Variants in NBAS observed in about 807,000 individuals in gnomAD.
The protein encoded by NBAS is NAG/BC035112 fusion.
NBAS carries 219 observed loss-of-function variants against 302.5 expected under a neutral mutation model. The observed-to-expected ratio is 0.72, with a 90% CI of 0.65 to 0.81. The LOEUF (loss-of-function observed/expected upper bound fraction) is 0.81. Ranked by LOEUF, NBAS falls within the 30% of genes least tolerant of loss-of-function variation. NBAS has a pLI of 0.00. For missense variants in NBAS, 2,932 were observed against 2,841.6 expected (o/e 1.03, Z -0.72); for synonymous variants, 1,118 against 1,021.6 (o/e 1.09, Z -1.80).
the NBAS span, among the ~76,000 whole-genome samples, chr2:15,083,455 C>G: frequency 5.9e-3 from 899 of 152,332 alleles, 16 homozygotes; most frequent in African/African-American, 0.021. Flanking sequence ...ATGTCCTAGT[C>G]TATTCCACAT....
intron 1 of NBAS, among the ~76,000 whole-genome samples, chr2:15,559,062 C>CAAAAAAAAAAAAAAAAA (rs70961421): frequency 4.0e-5 from 2 of 50,416 alleles, no homozygotes; most frequent in African/African-American, 7.6e-5. Context: ...GACCCTGCCT[C>CAAAAAAAAAAAAAAAAA]AAAAAAAAAA....
intron 47 of NBAS, among the ~76,000 whole-genome samples, chr2:15,229,608 C>T (rs534437627): frequency 3.0e-3 from 454 of 151,438 alleles, no homozygotes; most frequent in Non-Finnish European, 5.0e-3. Flanking sequence ...ATGGCAAAAC[C>T]CCATCTCTAC....
the NBAS span, among the ~76,000 whole-genome samples, chr2:15,106,197 G>A: frequency 6.6e-6 from 1 of 152,058 alleles, no homozygotes; most frequent in South Asian, 2.1e-4. Flanking sequence ...CCTGAATTTT[G>A]GAGCTGTGCC....
intron 9 of NBAS, among the ~76,000 whole-genome samples, chr2:15,526,281 C>A (rs902767527): frequency 6.6e-6 from 1 of 152,186 alleles, no homozygotes; most frequent in African/African-American, 2.4e-5. Flanking sequence ...TCAAAATCCA[C>A]ATATTCATAG....
At chr2:15,498,816 C>T (rs1164638268) in intron 11 of NBAS, among the ~76,000 whole-genome samples, 2 of 152,002 alleles carry the variant, frequency 1.3e-5, no homozygotes, top group East Asian at 1.9e-4. Flanking sequence ...CTTCAACTTC[C>T]GCCATGATTG....
At chr2:15,340,894 T>A (rs1036614614) in intron 35 of NBAS, among the ~76,000 whole-genome samples, 1 of 152,076 alleles carries the variant, frequency 6.6e-6, no homozygotes, top group African/African-American at 2.4e-5. Context: ...AGGTCACTGG[T>A]GGTGACCGAG....
At chr2:15,351,931 T>C (rs1418029551) in intron 35 of NBAS, 61 bp downstream of exon 35, 1 of 1,249,714 alleles carries the variant, frequency 8.0e-7, no homozygotes, top group African/African-American at 1.5e-5. Flanking sequence ...CAAGGTTAGG[T>C]AATCCCACTT....
chr2:14,796,870 G>A, the NBAS span, among the ~76,000 whole-genome samples: 1,853 of 147,034 alleles, frequency 0.013, 45 homozygotes, highest in African/African-American at 0.045. Flanking sequence ...GACTCGAGAT[G>A]GAGACCATCC....
chr2:15,513,805 A>G (rs1662258251), intron 9 of NBAS, among the ~76,000 whole-genome samples: 1 of 152,050 alleles, frequency 6.6e-6, no homozygotes, highest in Non-Finnish European at 1.5e-5. Flanking sequence ...CCTGGGCAAC[A>G]TAGTGAGATC....
the NBAS span, among the ~76,000 whole-genome samples, chr2:15,002,889 G>A: frequency 1.4e-4 from 22 of 152,338 alleles, no homozygotes; most frequent in African/African-American, 5.1e-4. Context: ...AGCGCCACGC[G>A]CAGCCCCTGT....
intron 30 of NBAS, among the ~76,000 whole-genome samples, chr2:15,376,375 A>C (rs372316005): frequency 1.3e-5 from 2 of 152,212 alleles, no homozygotes; most frequent in East Asian, 3.8e-4. Flanking sequence ...CGGCTTTTTA[A>C]ATGATCTCTG....
At chr2:15,223,771 A>G (rs1428682857) in intron 47 of NBAS, among the ~76,000 whole-genome samples, 1 of 151,740 alleles carries the variant, frequency 6.6e-6, no homozygotes, top group Non-Finnish European at 1.5e-5. Context: ...AGAGGTTGCA[A>G]AGAGCCGAGA....
chr2:15,350,801 T>C (rs1673317829), intron 35 of NBAS, among the ~76,000 whole-genome samples: 1 of 152,220 alleles, frequency 6.6e-6, no homozygotes, highest in Non-Finnish European at 1.5e-5. Flanking sequence ...TTAGGTATCA[T>C]TAAACACTTA....
In NBAS at chr2:15,467,763, T is replaced by A. The variant is rs186337430; in HGVS notation, c.1919A>T (p.Tyr640Phe). The A allele has an allele frequency of 3.4e-5, 54 of 1,596,946 alleles. 1 individual carries two copies. The South Asian group carries it at 5.6e-4, about 17-fold the overall frequency. Residue 640 changes from tyrosine (Y) to phenylalanine (F), a missense_variant, in exon 18 of 52, where the codon TAT becomes TTT. Transcript: ENST00000281513. ...TTCATCAGGTGGTGAAAGCTCTTCATAGGAGATACTGTCAATGTCTATTTC... is the reference window on the plus strand; with the variant it reads ...TTCATCAGGTGGTGAAAGCTCTTCAAAGGAGATACTGTCAATGTCTATTTC... ...PGEIDIDSIS[Y>F]EELSPPDEEP... is the part of the protein sequence containing the mutation.
the NBAS span, among the ~76,000 whole-genome samples, chr2:15,067,060 T>C: frequency 7.8e-3 from 1,175 of 150,856 alleles, 9 homozygotes; most frequent in Non-Finnish European, 0.013. Context: ...TGCAGGTTTA[T>C]GTCTGTAATC....
the NBAS span, among the ~76,000 whole-genome samples, chr2:14,793,619 GAGA>G: frequency 6.6e-6 from 1 of 152,098 alleles, no homozygotes; most frequent in Non-Finnish European, 1.5e-5. Context: ...CAGAGGATCA[GAGA>G]AGGAGAATGG....
At chr2:15,370,452 C>G (rs1334017618) in intron 31 of NBAS, among the ~76,000 whole-genome samples, 3 of 152,168 alleles carry the variant, frequency 2.0e-5, no homozygotes, top group Non-Finnish European at 4.4e-5. Context: ...ACCACCAAGC[C>G]TGGCTAATTT....
At chr2:15,228,832 G>T (rs926909096) in intron 47 of NBAS, among the ~76,000 whole-genome samples, 3 of 152,200 alleles carry the variant, frequency 2.0e-5, no homozygotes, top group Non-Finnish European at 4.4e-5. Context: ...AGAGTGTGGT[G>T]TACTAGGAGA....
At chr2:14,982,995 G>T in the NBAS span, among the ~76,000 whole-genome samples, 1 of 152,130 alleles carries the variant, frequency 6.6e-6, no homozygotes, top group Admixed American at 6.6e-5. Flanking sequence ...GTAGGTCACG[G>T]TGCTACCACT....
Sources: gnomAD v4.1 joint callset for allele counts (sites outside exome capture counted in the v4.1 genomes callset) on GRCh38, gnomAD v4.1.1 for gene constraint, MANE v1.5 for transcripts, NCBI Gene and HGNC (gene_info 2026-07-23, HGNC 2026-07-21) for gene names.